The following LARP4 variants were observed in gnomAD, a reference collection of about 807,000 sequenced individuals.
LARP4 encodes La ribonucleoprotein 4, also known as la-related protein 4.
In LARP4, 29 loss-of-function variants were observed where a neutral mutation model predicts 92.9. The ratio of observed to expected loss-of-function variants is 0.31; its 90% confidence interval spans 0.23 to 0.43. LARP4 has a LOEUF of 0.43. Ranked by LOEUF, LARP4 falls within the 20% of genes least tolerant of loss-of-function variation. LARP4 has a pLI of 1.00. For missense variants in LARP4, 732 were observed against 860.0 expected (o/e 0.85, Z 1.86); for synonymous variants, 279 against 284.1 (o/e 0.98, Z 0.18).
intron 8 of LARP4, among the ~76,000 whole-genome samples, chr12:50,450,628 A>G (rs1593238694): frequency 6.6e-6 from 1 of 151,880 alleles, no homozygotes; most frequent in African/African-American, 2.4e-5. Context: ...CCTCCCGAGT[A>G]GCTGGGATTA....
Position 50,475,897 on chromosome 12 carries a change from C to G in LARP4, c.*33C>G. On this transcript the variant is annotated 3_prime_UTR_variant, in exon 16 of 16. Transcript: ENST00000398473. ...CAAAACTATTCAAAAACTTCACTCT[C>G]TTCCCATTAAACTTGAACTGTGGCT... 6.3e-7 allele frequency: 1 copy of G among 1,576,380 alleles called. No homozygotes were observed. The highest frequency in any genetic ancestry group is 8.7e-7 in the Non-Finnish European group (1 of 1,152,084).
At chr12:50,429,189 TTTC>T in intron 3 of LARP4, 99 bp downstream of exon 3, 1 of 816,428 alleles carries the variant, frequency 1.2e-6, no homozygotes, top group East Asian at 2.7e-5. Flanking sequence ...ATGGCATTAT[TTTC>T]TTATTTGAAA....
intron 8 of LARP4, among the ~76,000 whole-genome samples, chr12:50,452,078 G>C (rs888269811): frequency 2.6e-5 from 4 of 152,138 alleles, no homozygotes; most frequent in African/African-American, 7.2e-5. Context: ...CGATTCATTT[G>C]CTGTGGACAC....
intron 8 of LARP4, among the ~76,000 whole-genome samples, chr12:50,453,058 A>G (rs1466198383): frequency 6.7e-6 from 1 of 148,358 alleles, no homozygotes; most frequent in Admixed American, 6.8e-5. Flanking sequence ...TACAGGTTGC[A>G]TGCCACCATG....
chr12:50,453,880 G>A (rs1047654185), intron 9 of LARP4, among the ~76,000 whole-genome samples: 6 of 152,004 alleles, frequency 3.9e-5, no homozygotes, highest in Middle Eastern at 3.4e-3. Context: ...CAGTCCACCC[G>A]CCTCAGCCTC....
At chr12:50,473,963 T>C (rs761930113) in intron 14 of LARP4, 36 bp from the exon 15 acceptor site, 1 of 1,576,862 alleles carries the variant, frequency 6.3e-7, no homozygotes, top group South Asian at 1.1e-5. Flanking sequence ...TCCTATATGC[T>C]ATTCTGAGTC....
chr12:50,441,975 G>A lies in LARP4; in HGVS notation c.804+332G>A, dbSNP rs74593630. Among the ~76,000 whole-genome samples, 1,128 of 152,290 alleles carry A rather than the reference G, an allele frequency of 7.4e-3. 9 individuals are homozygous for A. Among genetic ancestry groups the A allele is most frequent in the Non-Finnish European group, 0.013 (868 of 68,020 alleles). On this transcript the variant is annotated intron_variant, in intron 8 of 15. Coordinates refer to ENST00000398473, the MANE Select transcript of LARP4 (RefSeq NM_052879.5). ...TGAGGCAGGAGAACTGCTTTAACCC[G>A]GGAGGCGTAGGTTGCAGTGAGCAGA...
At chr12:50,458,433 TTAAGTTTTAA>T in intron 10 of LARP4, among the ~76,000 whole-genome samples, 1 of 152,082 alleles carries the variant, frequency 6.6e-6, no homozygotes, top group Non-Finnish European at 1.5e-5. Flanking sequence ...CCCAGCTACT[TTAAGTTTTAA>T]TAATGGTAAT....
At chr12:50,447,264 G>A (rs1357553444) in intron 8 of LARP4, among the ~76,000 whole-genome samples, 4 of 152,114 alleles carry the variant, frequency 2.6e-5, no homozygotes, top group Non-Finnish European at 4.4e-5. Flanking sequence ...AAAAAAAGCT[G>A]GTACCAAGCA....
chr12:50,429,138 C>T (rs754029657), intron 3 of LARP4, 48 bp downstream of exon 3: 34 of 1,365,892 alleles, frequency 2.5e-5, no homozygotes, highest in Admixed American at 7.3e-5. Context: ...GTACAGGACA[C>T]CCCCCACCCA....
At chr12:50,458,704 T>C (rs917917326) in intron 10 of LARP4, among the ~76,000 whole-genome samples, 10 of 152,224 alleles carry the variant, frequency 6.6e-5, no homozygotes, top group African/African-American at 2.2e-4. Flanking sequence ...AGATCCTCAG[T>C]TGCTTGAGAT....
intron 1 of LARP4, chr12:50,415,634 A>ATG (rs1237330600): frequency 6.7e-6 from 1 of 148,876 alleles, no homozygotes. Context: ...TGCCCATGTT[A>ATG]TGTGTCAGGC....
chr12:50,422,685 CATAA>C (rs1446781789), intron 1 of LARP4, among the ~76,000 whole-genome samples: 3 of 151,350 alleles, frequency 2.0e-5, no homozygotes, highest in Admixed American at 6.6e-5. Context: ...TCTTAGCATT[CATAA>C]ATAATGCTAA....
chr12:50,418,601 T>C (rs1947238076), intron 1 of LARP4, among the ~76,000 whole-genome samples: 1 of 152,014 alleles, frequency 6.6e-6, no homozygotes, highest in Non-Finnish European at 1.5e-5. Flanking sequence ...TTAAGTATTT[T>C]GTAGAGACAG....
At chr12:50,413,207 A>C (rs988848274) in intron 1 of LARP4, among the ~76,000 whole-genome samples, 1 of 130,574 alleles carries the variant, frequency 7.7e-6, no homozygotes, top group African/African-American at 2.7e-5. Context: ...TGGGCGACAG[A>C]GTGAGACTGT....
intron 1 of LARP4, among the ~76,000 whole-genome samples, chr12:50,405,543 C>A (rs764979114): frequency 3.7e-4 from 57 of 152,024 alleles, no homozygotes; most frequent in Non-Finnish European, 7.1e-4. Flanking sequence ...CCTCAGTCTC[C>A]AAAGTAGCTG....
At chr12:50,461,714 T>G (rs1955416404) in intron 11 of LARP4, among the ~76,000 whole-genome samples, 1 of 152,112 alleles carries the variant, frequency 6.6e-6, no homozygotes. Flanking sequence ...CCCAACACTT[T>G]GGGAGGCCGT....
intron 8 of LARP4, among the ~76,000 whole-genome samples, chr12:50,442,851 C>T (rs749170958): frequency 6.6e-6 from 1 of 152,188 alleles, no homozygotes; most frequent in African/African-American, 2.4e-5. Context: ...GTTCTAAGAA[C>T]TTACCATATT....
chr12:50,430,442 C>A, intron 3 of LARP4, 53 bp from the exon 4 acceptor site: 2 of 911,618 alleles, frequency 2.2e-6, no homozygotes, highest in South Asian at 1.4e-5. Flanking sequence ...TCAGATTTAT[C>A]ACCTCTACTA....
Sources: allele counts gnomAD v4.1 joint callset (sites outside exome capture counted in the v4.1 genomes callset), GRCh38; gene constraint gnomAD v4.1.1; transcripts MANE v1.5; gene names NCBI Gene and HGNC (gene_info 2026-07-23, HGNC 2026-07-21).